The following PTPN3 variants were observed in gnomAD, a reference collection of about 807,000 sequenced individuals.
The protein encoded by PTPN3 is protein tyrosine phosphatase non-receptor type 3.
A neutral mutation model predicts 132.7 loss-of-function variants in PTPN3; 96 were observed. The ratio of observed to expected loss-of-function variants is 0.72; its 90% CI spans 0.61 to 0.86. PTPN3 has a LOEUF of 0.86. PTPN3 is among the 40% of genes least tolerant of loss of function. PTPN3 has a pLI of 0.00. For synonymous variants in PTPN3, 398 were observed against 429.0 expected, an observed-to-expected ratio of 0.93 and a Z score of 0.89; for missense variants, 1,125 against 1,159.6, an observed-to-expected ratio of 0.97 and a Z score of 0.43.
intron 16 of PTPN3, 34 bp downstream of exon 16, chr9:109,409,965 A>G (rs372105134): frequency 6.2e-7 from 1 of 1,609,014 alleles, no homozygotes; most frequent in African/African-American, 1.3e-5. Context: ...ATTGCTTCCC[A>G]GCACAAAACT....
At chr9:109,443,572 C>T (rs1844642411) in intron 7 of PTPN3, among the ~76,000 whole-genome samples, 1 of 152,154 alleles carries the variant, frequency 6.6e-6, no homozygotes, top group Non-Finnish European at 1.5e-5. Flanking sequence ...GCCTCATAAA[C>T]CTGAAGCTCA....
intron 1 of PTPN3, among the ~76,000 whole-genome samples, chr9:109,473,908 GTTCT>G (rs1297102619): frequency 8.4e-6 from 1 of 119,522 alleles, no homozygotes; most frequent in African/African-American, 3.1e-5. Context: ...TGTGTTAGAA[GTTCT>G]TTTTTTTTTT....
intron 5 of PTPN3, among the ~76,000 whole-genome samples, chr9:109,453,969 C>T (rs1845423820): frequency 6.6e-6 from 1 of 151,834 alleles, no homozygotes; most frequent in Admixed American, 6.6e-5. Context: ...GAGCCAAGCT[C>T]GCACCTCTGC....
Position 109,379,413 on chromosome 9 carries a change from T to C in PTPN3, c.*143A>G. ...TCCTATGTACACGATATCTTTTCTATAGAAGTTTAAAGTGCCTGGGTTCAG... is the reference window on the plus strand; with the variant it reads ...TCCTATGTACACGATATCTTTTCTACAGAAGTTTAAAGTGCCTGGGTTCAG... On this transcript the variant is annotated 3_prime_UTR_variant, in exon 26 of 26. Coordinates refer to ENST00000374541, the MANE Select transcript of PTPN3 (RefSeq NM_002829.4). 1 of 667,462 alleles carries C rather than the reference T, an allele frequency of 1.5e-6. No homozygotes were observed. Among genetic ancestry groups the C allele is most frequent in the Non-Finnish European group, 2.6e-6 (1 of 382,692 alleles). 41.3% of individuals were successfully genotyped at this position (667,462 alleles called of 1,614,324 possible).
chr9:109,426,324 T>G (rs1843279386), intron 12 of PTPN3, among the ~76,000 whole-genome samples: 1 of 150,204 alleles, frequency 6.7e-6, no homozygotes, highest in Non-Finnish European at 1.5e-5. Flanking sequence ...ATATATAAAT[T>G]TACATCCATT....
chr9:109,534,415 G>GT, the PTPN3 span: 1 of 1,420,328 alleles, frequency 7.0e-7, no homozygotes, highest in Non-Finnish European at 9.2e-7. Flanking sequence ...AGCGGTGGTG[G>GT]TGGGGCTGCT....
Position 109,433,112 on chromosome 9 carries a change from G to GC in PTPN3, c.724dup (p.Ala242GlyfsTer37). The GC allele has an allele frequency of 6.2e-7, 1 of 1,614,130 alleles. No homozygotes were observed. Among genetic ancestry groups the GC allele is most frequent in the Non-Finnish European group, 8.5e-7 (1 of 1,180,004 alleles). On this transcript the variant is annotated frameshift_variant, in exon 10 of 26. Coordinates refer to ENST00000374541, the MANE Select transcript of PTPN3 (RefSeq NM_002829.4). LOFTEE classifies it high-confidence loss of function. ...TGTGCAAATGTATTTTCGGTACACA[G>GC]CAACACCCGCGGAAGCAATTCCAAT... is the stretch of plus-strand genomic sequence containing the variant.
chr9:109,400,455 G>A (rs1380722772), intron 19 of PTPN3, among the ~76,000 whole-genome samples: 1 of 152,220 alleles, frequency 6.6e-6, no homozygotes, highest in Non-Finnish European at 1.5e-5. Flanking sequence ...GGCCACACAG[G>A]AAGTGAGGGT....
intron 9 of PTPN3, among the ~76,000 whole-genome samples, chr9:109,434,811 A>T (rs563948197): frequency 6.6e-6 from 1 of 152,340 alleles, no homozygotes; most frequent in South Asian, 2.1e-4. Flanking sequence ...GGGGCTTGGC[A>T]TATGGAGCTT....
intron 1 of PTPN3, among the ~76,000 whole-genome samples, chr9:109,484,779 T>C (rs1370385637): frequency 1.3e-5 from 2 of 152,168 alleles, no homozygotes; most frequent in African/African-American, 4.8e-5. Context: ...AAGATCCTGA[T>C]TGTCCCAGGT....
chr9:109,417,536 T>G, intron 14 of PTPN3: 2 of 964,276 alleles, frequency 2.1e-6, no homozygotes, highest in Non-Finnish European at 2.5e-6. Flanking sequence ...CAACAGGTTT[T>G]TTTTTTTTTC....
At chr9:109,460,367 A>G (rs1845784259) in intron 2 of PTPN3, among the ~76,000 whole-genome samples, 1 of 152,080 alleles carries the variant, frequency 6.6e-6, no homozygotes, top group Admixed American at 6.5e-5. Flanking sequence ...CTGCCACACC[A>G]GTCTTTCAGC....
Position 109,457,433 on chromosome 9 carries a change from C to A in PTPN3, c.139-34G>T, listed in dbSNP as rs149945090. 6,820 of 1,553,348 alleles carry A rather than the reference C, an allele frequency of 4.4e-3. 20 individuals carry two copies. The highest frequency in any genetic ancestry group is 4.7e-3 in the Non-Finnish European group (5,365 of 1,136,206). On this transcript the variant is annotated intron_variant, in intron 2 of 25. Transcript: ENST00000374541. ...AAGGAAATTATCAAGTGGGAAAAGTCTTAAATTAATTGGTGGTAAAAACAT... is the reference window on the plus strand; with the variant it reads ...AAGGAAATTATCAAGTGGGAAAAGTATTAAATTAATTGGTGGTAAAAACAT...
In PTPN3 at chr9:109,377,457, C is replaced by CACACACACACACACACACACAA. The variant is rs1422644975; in HGVS notation, c.*2098_*2099insTTGTGTGTGTGTGTGTGTGTGT. On this transcript the variant is annotated 3_prime_UTR_variant, in exon 26 of 26. Coordinates refer to ENST00000374541, the MANE Select transcript of PTPN3 (RefSeq NM_002829.4). The stretch of plus-strand genomic sequence containing the variant: ...ACACACACACACACACACACACACA[C>CACACACACACACACACACACAA]AAGCCAGGTGAGGTGGCATGTGCCT... 1.5e-5 allele frequency: 2 copies of CACACACACACACACACACACAA among 131,152 alleles called. No individual in the cohort carries two copies. 8.1% of individuals were successfully genotyped at this position (131,152 alleles called of 1,614,324 possible).
chr9:109,483,680 C>G (rs1025067020), intron 1 of PTPN3, among the ~76,000 whole-genome samples: 1 of 152,166 alleles, frequency 6.6e-6, no homozygotes, highest in African/African-American at 2.4e-5. Context: ...AAAGCTCTCA[C>G]CGGGCTCTTA....
At chr9:109,503,864 C>A in the PTPN3 span, among the ~76,000 whole-genome samples, 1 of 152,056 alleles carries the variant, frequency 6.6e-6, no homozygotes, top group South Asian at 2.1e-4. Flanking sequence ...TTATTATATA[C>A]CCTACTATGT....
At chr9:109,453,959 G>A (rs181096886) in intron 5 of PTPN3, among the ~76,000 whole-genome samples, 2 of 152,164 alleles carry the variant, frequency 1.3e-5, no homozygotes, top group Admixed American at 6.5e-5. Flanking sequence ...AGGTTGCAGT[G>A]AGCCAAGCTC....
chr9:109,525,160 T>A, the PTPN3 span, among the ~76,000 whole-genome samples: 1 of 152,190 alleles, frequency 6.6e-6, no homozygotes, highest in Non-Finnish European at 1.5e-5. Flanking sequence ...CAAGTGATCC[T>A]TCTGCTTCAG....
At chr9:109,531,049 T>C in the PTPN3 span, among the ~76,000 whole-genome samples, 1 of 152,218 alleles carries the variant, frequency 6.6e-6, no homozygotes, top group Non-Finnish European at 1.5e-5. Flanking sequence ...TGTCTTTTAA[T>C]GCACCAAAGT....
Sources: allele counts gnomAD v4.1 joint callset (sites outside exome capture counted in the v4.1 genomes callset), GRCh38; gene constraint gnomAD v4.1.1; transcripts MANE v1.5; gene names NCBI Gene and HGNC (gene_info 2026-07-23, HGNC 2026-07-21).